MAST3: variants seen among roughly 807,000 people sequenced by gnomAD.
The protein encoded by MAST3 is microtubule associated serine/threonine kinase 3.
A neutral mutation model predicts 127.0 loss-of-function variants in MAST3; 43 were observed. The observed-to-expected ratio is 0.34, with a 90% confidence interval of 0.27 to 0.44. The LOEUF (loss-of-function observed/expected upper bound fraction) is 0.44, where lower values mean the gene tolerates loss of function less well. Among genes scored for constraint, MAST3 ranks in the 20% least tolerant of loss-of-function variants. The probability of loss-of-function intolerance (pLI) is 1.00; values close to 1 mark genes in which losing one functional copy is unlikely to be tolerated. For synonymous variants in MAST3, 785 were observed against 809.2 expected (o/e 0.97, Z 0.51); for missense variants, 1,390 against 1,919.1 (o/e 0.72, Z 5.15).
In MAST3 at chr19:18,132,379, C is replaced by T. The variant is rs1042944028; in HGVS notation, c.1571+332C>T. 5.9e-5 allele frequency among the ~76,000 whole-genome samples: 9 copies of T among 152,240 alleles called. No homozygotes were observed. The East Asian group carries it at 1.5e-3, about 26-fold the overall frequency. Reference sequence around the variant, plus strand: ...ACACTGTATACAGGAGAAGGGGCTGCGCACCCAGAGCTGCTGCTGCACAAG... The same window carrying T: ...ACACTGTATACAGGAGAAGGGGCTGTGCACCCAGAGCTGCTGCTGCACAAG... On this transcript the variant is annotated intron_variant, in intron 15 of 27. Transcript: ENST00000687212.
Position 18,097,787 on chromosome 19 carries a change from C to G in MAST3, c.-6C>G, listed in dbSNP as rs371204303. ...GGGCGGGCCTGGCGGCGCGGACTCC[C>G]GGGCCATGGACGAGTCGAGCCTCCT... On this transcript the variant is annotated 5_prime_UTR_variant, in exon 1 of 28. Coordinates refer to ENST00000687212, the MANE Select transcript of MAST3 (RefSeq NM_001393504.1). The G allele has an allele frequency of 2.5e-6, 3 of 1,219,128 alleles. No individual in the cohort carries two copies. Among genetic ancestry groups the G allele is most frequent in the Non-Finnish European group, 3.1e-6 (3 of 980,100 alleles). 75.5% of individuals were successfully genotyped at this position (1,219,128 alleles called of 1,614,324 possible).
chr19:18,144,477 G>T lies in MAST3; in HGVS notation c.2596G>T (p.Ala866Ser). 1 of 1,570,846 alleles carries T rather than the reference G, an allele frequency of 6.4e-7. No individual in the cohort carries two copies. The change falls in exon 23 of 28, where the codon GCT becomes TCT. Residue 866 changes from alanine to serine, a missense_variant. Around this residue, in one of 5 missense-constraint regions of MAST3, gnomAD observed 816 missense variants for 934.1 expected, o/e 0.87. Transcript: ENST00000687212. This position sits in a 1 kb window ranked among gnomAD's most constrained non-coding sequence, Gnocchi z 4.0. Reference protein sequence around the residue: ...KPSSLSADTAALSHARLRSNS... With the variant: ...KPSSLSADTASLSHARLRSNS... ...TGCTGACCCTCTAGCCGACACAGCT[G>T]CTCTCAGCCACGCCCGCCTACGGAG...
intron 1 of MAST3, among the ~76,000 whole-genome samples, chr19:18,107,225 A>G (rs996577129): frequency 4.6e-5 from 7 of 152,074 alleles, no homozygotes; most frequent in Non-Finnish European, 1.0e-4. Flanking sequence ...GGTCTCCCAA[A>G]GTACTGAGAT....
In MAST3 at chr19:18,110,855, T is replaced by C. The variant is rs1208943844; in HGVS notation, c.161+114T>C. The C allele has an allele frequency of 9.7e-6, 3 of 310,404 alleles. No individual in the cohort carries two copies. The highest frequency in any genetic ancestry group is 1.4e-5 in the Non-Finnish European group (3 of 212,682). 19.2% of individuals were successfully genotyped at this position (310,404 alleles called of 1,614,324 possible). A position where few individuals can be genotyped will look rare whatever the true frequency, so the allele number is the denominator to read the frequency against. On this transcript the variant is annotated intron_variant, in intron 3 of 27. Transcript: ENST00000687212. The surrounding 1 kb of genome is among the most constrained non-coding windows in gnomAD (Gnocchi z 4.3). ...GATACTGCAGGTTGGTGACATCACC[T>C]CTCTGGGCCTCAGTTTACCCCTCCA... is the stretch of plus-strand genomic sequence containing the variant.
Position 18,113,197 on chromosome 19 carries a change from C to CG in MAST3, c.161+2461dup, listed in dbSNP as rs113618391. On this transcript the variant is annotated intron_variant, in intron 3 of 27. Transcript: ENST00000687212. The stretch of plus-strand genomic sequence containing the variant: ...CAGAGCCACATTGCCTTGGGCCTGG[C>CG]GGGGGAATGGGTCCCTGCCTGCCAT... 5.3e-5 allele frequency among the ~76,000 whole-genome samples: 8 copies of CG among 152,114 alleles called. 1 individual carries two copies. The highest frequency in any genetic ancestry group is 1.9e-4 in the East Asian group (1 of 5,182).
rs780676360 is a variant in MAST3 at position 18,123,387 on chromosome 19, C to T, written c.557+13C>T. 3 of 1,605,292 alleles carry T rather than the reference C, an allele frequency of 1.9e-6. No individual in the cohort carries two copies. The highest frequency in any genetic ancestry group is 2.6e-6 in the Non-Finnish European group (3 of 1,176,408). ...CTCGCAGTCTCAGGTGGGCCGCGAC[C>T]TCTGGCCCCAGCCCCGGCCCCTCCC... On this transcript the variant is annotated intron_variant, in intron 7 of 27. Transcript: ENST00000687212.
intron 27 of MAST3, among the ~76,000 whole-genome samples, chr19:18,148,929 G>A (rs558452524): frequency 4.1e-4 from 63 of 151,826 alleles, no homozygotes; most frequent in African/African-American, 1.4e-3. Context: ...CAGCCATGGT[G>A]ACGTGCACCT....
At chr19:18,136,981 C>T (rs1397080378) in intron 18 of MAST3, among the ~76,000 whole-genome samples, 1 of 152,060 alleles carries the variant, frequency 6.6e-6, no homozygotes, top group Non-Finnish European at 1.5e-5. Flanking sequence ...GCCACCACAC[C>T]CGGCTAATTT....
intron 3 of MAST3, among the ~76,000 whole-genome samples, chr19:18,120,875 C>G (rs760132307): frequency 3.7e-4 from 57 of 152,206 alleles, no homozygotes; most frequent in Admixed American, 7.2e-4. Flanking sequence ...GCATGCATCA[C>G]CACGCCCAGC....
chr19:18,126,915 G>A (rs937620690), intron 11 of MAST3, among the ~76,000 whole-genome samples: 15 of 151,930 alleles, frequency 9.9e-5, no homozygotes, highest in African/African-American at 3.1e-4. Flanking sequence ...CGAGTAGCTG[G>A]GACTACAGGC....
chr19:18,107,297 G>A (rs1340372519), intron 1 of MAST3, among the ~76,000 whole-genome samples: 1 of 151,964 alleles, frequency 6.6e-6, no homozygotes, highest in African/African-American at 2.4e-5. Flanking sequence ...GGTAGGAGCC[G>A]GGTGGGGAAT....
intron 27 of MAST3, among the ~76,000 whole-genome samples, chr19:18,148,037 C>A (rs908746925): frequency 2.0e-5 from 3 of 151,984 alleles, no homozygotes; most frequent in Non-Finnish European, 4.4e-5. Context: ...CATGGAGGCT[C>A]ACACCTGTAA....
At chr19:18,119,331 G>T (rs898835137) in intron 3 of MAST3, among the ~76,000 whole-genome samples, 1 of 152,168 alleles carries the variant, frequency 6.6e-6, no homozygotes, top group Non-Finnish European at 1.5e-5. Flanking sequence ...GGTGCAGTGT[G>T]GGGGCGAGGA....
rs1430749794 is a variant in MAST3 at position 18,131,767 on chromosome 19, C to T, written c.1433-142C>T. 5.1e-5 allele frequency: 44 copies of T among 854,854 alleles called. No individual in the cohort carries two copies. The East Asian group carries it at 1.2e-3, about 22-fold the overall frequency. The allele number at this position is 854,854 out of a possible 1,614,324, so 53.0% of individuals were successfully genotyped here. On this transcript the variant is annotated intron_variant, in intron 14 of 27. Coordinates refer to ENST00000687212, the MANE Select transcript of MAST3 (RefSeq NM_001393504.1). ...GTCCGCCCCTTCCCTCTCCCCCGAC[C>T]CTCCCCGCTGAGATAGAACAAACTG... is the stretch of plus-strand genomic sequence containing the variant.
intron 5 of MAST3, chr19:18,122,152 G>C (rs1338433502): frequency 9.2e-6 from 9 of 982,642 alleles, no homozygotes; most frequent in Non-Finnish European, 1.1e-5. Flanking sequence ...CCCAGGGGGT[G>C]GGGGGTCATG....
chr19:18,130,016 G>A (rs1447209777), intron 13 of MAST3, among the ~76,000 whole-genome samples: 1 of 151,244 alleles, frequency 6.6e-6, no homozygotes, highest in Non-Finnish European at 1.5e-5. Flanking sequence ...TTGGGAGCCC[G>A]AAGTGGGAGG....
At chr19:18,127,330 C>G (rs1202553721) in intron 11 of MAST3, among the ~76,000 whole-genome samples, 1 of 151,500 alleles carries the variant, frequency 6.6e-6, no homozygotes, top group Non-Finnish European at 1.5e-5. Flanking sequence ...GGCAGATCAC[C>G]TGAGGTCAGG....
At chr19:18,132,173 G>T (rs995997314) in intron 15 of MAST3, 126 bp downstream of exon 15, 19 of 1,312,170 alleles carry the variant, frequency 1.4e-5, no homozygotes, top group Admixed American at 2.4e-5. Flanking sequence ...AGCCCCATCT[G>T]TCTGAGCTCT....
chr19:18,100,615 G>A (rs535840055), intron 1 of MAST3, among the ~76,000 whole-genome samples: 125 of 152,260 alleles, frequency 8.2e-4, no homozygotes, highest in African/African-American at 2.9e-3. Flanking sequence ...CCAACAGCCC[G>A]AGTGGTCAGT....
Sources: allele counts gnomAD v4.1 joint callset (sites outside exome capture counted in the v4.1 genomes callset), GRCh38; gene constraint gnomAD v4.1.1; regional missense constraint gnomAD v4.1.1; non-coding constraint Gnocchi (gnomAD v3.1); transcripts MANE v1.5; gene names NCBI Gene and HGNC (gene_info 2026-07-23, HGNC 2026-07-21).